PRKG1: variants seen among roughly 807,000 people sequenced by gnomAD.
PRKG1 encodes the protein protein kinase cGMP-dependent 1, also known as cGMP-dependent protein kinase 1.
In PRKG1, 35 loss-of-function variants were observed where a neutral mutation model predicts 88.1. That is an observed-to-expected ratio of 0.40 (90% confidence interval 0.30 to 0.53). The LOEUF (loss-of-function observed/expected upper bound fraction) is 0.53, where lower values mean the gene tolerates loss of function less well. Among genes scored for constraint, PRKG1 ranks in the 20% least tolerant of loss-of-function variants. The pLI is 0.59. For synonymous variants in PRKG1, 303 were observed against 292.5 expected (o/e 1.04, Z -0.37); for missense variants, 540 against 839.8 (o/e 0.64, Z 4.41).
chr10:51,505,226 T>A (rs1371149386), intron 3 of PRKG1, among the ~76,000 whole-genome samples: 1 of 152,222 alleles, frequency 6.6e-6, no homozygotes, highest in Non-Finnish European at 1.5e-5. Flanking sequence ...TCTATTGAGA[T>A]AATCATGTGG....
chr10:51,247,228 CT>C (rs1214774587), intron 2 of PRKG1, among the ~76,000 whole-genome samples: 1 of 151,856 alleles, frequency 6.6e-6, no homozygotes, highest in African/African-American at 2.4e-5. Context: ...TTTTGGTGCA[CT>C]GGGAAAATGA....
intron 1 of PRKG1, among the ~76,000 whole-genome samples, chr10:51,109,700 C>T (rs1004023504): frequency 1.3e-5 from 2 of 151,922 alleles, no homozygotes; most frequent in African/African-American, 4.8e-5. Context: ...TTTGAGCAGG[C>T]AAATATTTCT....
chr10:51,922,824 C>T (rs755623414), intron 5 of PRKG1, among the ~76,000 whole-genome samples: 2 of 151,658 alleles, frequency 1.3e-5, no homozygotes, highest in African/African-American at 2.4e-5. Flanking sequence ...TGTGGTTTAT[C>T]CTGATGAATG....
At position 51,563,843 on chromosome 10, in the gene PRKG1, G is replaced by T. The variant is rs186362140; in HGVS notation, c.592+96007G>T. ...TGGGAGAGACCCAGGGAATAGCTTG[G>T]TATTTATCAAAGACATCATAATTTG... On this transcript the variant is annotated intron_variant, in intron 3 of 17. Transcript: ENST00000373980. 9.9e-5 allele frequency among the ~76,000 whole-genome samples: 15 copies of T among 152,166 alleles called. No individual in the cohort carries two copies. In the East Asian group the frequency reaches 2.9e-3, roughly 29 times the overall value.
At chr10:52,230,762 T>C (rs1223541994) in intron 9 of PRKG1, 1 of 152,216 alleles carries the variant, frequency 6.6e-6, no homozygotes, top group East Asian at 1.9e-4. Flanking sequence ...GACAGGTTCC[T>C]TGACCCTATC....
chr10:51,586,713 G>C lies in PRKG1; in HGVS notation c.592+118877G>C, dbSNP rs191832686. Among the ~76,000 whole-genome samples the C allele has an allele frequency of 2.0e-5, 3 of 152,222 alleles. No individual in the cohort carries two copies. In the East Asian group the frequency reaches 5.8e-4, roughly 29 times the overall value. On this transcript the variant is annotated intron_variant, in intron 3 of 17. Transcript: ENST00000373980. ...ATAAGTTTTTTACTGATGACAGAGA[G>C]TATCTGTGCTATTTTTCCTACTGTC...
intron 2 of PRKG1, among the ~76,000 whole-genome samples, chr10:51,289,845 T>A (rs1235524286): frequency 3.9e-5 from 6 of 152,114 alleles, no homozygotes; most frequent in Admixed American, 1.3e-4. Flanking sequence ...CAAGTCTAGA[T>A]GGCCTTAAGG....
chr10:51,151,953 A>G (rs1846083913), intron 1 of PRKG1, among the ~76,000 whole-genome samples: 1 of 151,998 alleles, frequency 6.6e-6, no homozygotes, highest in Admixed American at 6.6e-5. Flanking sequence ...AATGAGGACT[A>G]AGGTCAGCTT....
In PRKG1 at chr10:51,970,041, CA is replaced by C. The variant is rs1564733422; in HGVS notation, c.762+62472del. Among the ~76,000 whole-genome samples the C allele has an allele frequency of 5.6e-3, 414 of 73,918 alleles. 1 individual carries two copies. Among genetic ancestry groups the C allele is most frequent in the African/African-American group, 0.015 (396 of 27,226 alleles). 48.5% of individuals were successfully genotyped at this position (73,918 alleles called of 152,430 possible). On this transcript the variant is annotated intron_variant, in intron 5 of 17. Transcript: ENST00000373980. Reference sequence around the variant, plus strand: ...ACACACACACACACACACACACACACACACACACACCCATATTTATTTATAT... The same window carrying C: ...ACACACACACACACACACACACACACCACACACACCCATATTTATTTATAT...
intron 2 of PRKG1, among the ~76,000 whole-genome samples, chr10:51,326,717 T>C (rs1253925446): frequency 6.6e-6 from 1 of 152,216 alleles, no homozygotes; most frequent in African/African-American, 2.4e-5. Context: ...TCACTGACTG[T>C]CATGTGATTT....
chr10:51,090,177 A>G (rs1844363277), intron 1 of PRKG1, among the ~76,000 whole-genome samples: 2 of 152,216 alleles, frequency 1.3e-5, no homozygotes, highest in Admixed American at 6.5e-5. Context: ...AAAACATAGT[A>G]TGGGGCTCAA....
At chr10:51,658,111 G>A (rs561137908) in intron 3 of PRKG1, among the ~76,000 whole-genome samples, 20 of 152,064 alleles carry the variant, frequency 1.3e-4, no homozygotes, top group Non-Finnish European at 2.2e-4. Context: ...CAGGAAATAC[G>A]GATTTATCTG....
chr10:51,146,606 G>T (rs1169299798), intron 1 of PRKG1, among the ~76,000 whole-genome samples: 1 of 151,822 alleles, frequency 6.6e-6, no homozygotes, highest in Non-Finnish European at 1.5e-5. Flanking sequence ...GTGTATTTTT[G>T]TTGTCTATGC....
At chr10:51,981,469 T>C (rs1904045) in intron 5 of PRKG1, among the ~76,000 whole-genome samples, 135,221 of 152,016 alleles carry the variant, frequency 0.89, 60,268 homozygotes, top group East Asian at 1. Flanking sequence ...ACCTGTAATC[T>C]CAGCTACTCA....
chr10:51,302,943 T>C (rs1840931396), intron 2 of PRKG1: 1 of 152,208 alleles, frequency 6.6e-6, no homozygotes. Flanking sequence ...ACACAGCCTG[T>C]GCGGTGGAGC....
chr10:51,803,569 A>G lies in PRKG1; in HGVS notation c.593-1016A>G, dbSNP rs145281569. Among the ~76,000 whole-genome samples the G allele has an allele frequency of 6.8e-3, 1,028 of 152,222 alleles. 9 individuals are homozygous for G. The highest frequency in any genetic ancestry group is 0.022 in the African/African-American group (910 of 41,556). On this transcript the variant is annotated intron_variant, in intron 3 of 17. Transcript: ENST00000373980. ...CTCCTTCACTCCCAAATCATGATCC[A>G]TCACATTCACTGGGCTTAGTCTTGA...
At chr10:51,550,297 T>A (rs531745770) in intron 3 of PRKG1, among the ~76,000 whole-genome samples, 5 of 152,212 alleles carry the variant, frequency 3.3e-5, no homozygotes, top group Admixed American at 3.3e-4. Context: ...AAAACAAAAA[T>A]CATCTTATTA....
intron 1 of PRKG1, among the ~76,000 whole-genome samples, chr10:51,151,074 G>T (rs1186092407): frequency 6.8e-6 from 1 of 147,866 alleles, no homozygotes; most frequent in Admixed American, 6.8e-5. Flanking sequence ...TGTGGTTCTT[G>T]ATTAGTTTTT....
intron 14 of PRKG1, among the ~76,000 whole-genome samples, chr10:52,285,102 C>T (rs1264599762): frequency 2.6e-5 from 4 of 152,016 alleles, no homozygotes; most frequent in African/African-American, 9.7e-5. Context: ...CCAGGGAAGC[C>T]AGTCCCTGCC....
Sources: allele counts gnomAD v4.1 joint callset (sites outside exome capture counted in the v4.1 genomes callset), GRCh38; gene constraint gnomAD v4.1.1; transcripts MANE v1.5; gene names NCBI Gene and HGNC (gene_info 2026-07-23, HGNC 2026-07-21).